ZNF780A: variants seen among roughly 807,000 people sequenced by gnomAD.
ZNF780A encodes the protein zinc finger protein 780A.
Under a neutral mutation model 56.7 loss-of-function variants are expected in ZNF780A, and 40 were observed. The ratio of observed to expected loss-of-function variants is 0.71; its 90% confidence interval spans 0.55 to 0.92. The LOEUF (loss-of-function observed/expected upper bound fraction) is 0.92, where lower values mean the gene tolerates loss of function less well. ZNF780A is among the 40% of genes least tolerant of loss of function. The pLI is 0.00. For missense variants in ZNF780A, 672 were observed against 783.3 expected, an observed-to-expected ratio of 0.86 and a Z score of 1.70; for synonymous variants, 231 against 248.3, an observed-to-expected ratio of 0.93 and a Z score of 0.66.
chr19:40,085,666 G>A (rs1389496188), intron 2 of ZNF780A, among the ~76,000 whole-genome samples: 1 of 152,066 alleles, frequency 6.6e-6, no homozygotes, highest in African/African-American at 2.4e-5. Context: ...CAGATCACGA[G>A]GTCAGGAGAT....
intron 5 of ZNF780A, among the ~76,000 whole-genome samples, chr19:40,076,707 A>G (rs1037031008): frequency 6.6e-6 from 1 of 152,180 alleles, no homozygotes; most frequent in African/African-American, 2.4e-5. Context: ...GCCTAAGGTC[A>G]GGTCCAGCAG....
chr19:40,073,074 T>G lies in ZNF780A; in HGVS notation c.*1442A>C. The stretch of plus-strand genomic sequence containing the variant: ...TGATATTGTCTATATTGTCTTCATG[T>G]TTGGTTGATACACACGTTGATTAAA... On this transcript the variant is annotated 3_prime_UTR_variant, in exon 6 of 6. Coordinates refer to ENST00000683561, the MANE Select transcript of ZNF780A (RefSeq NM_001142578.2). 2 of 1,402,394 alleles carry G rather than the reference T, an allele frequency of 1.4e-6. No individual in the cohort carries two copies. Among genetic ancestry groups the G allele is most frequent in the Non-Finnish European group, 1.8e-6 (2 of 1,081,606 alleles). The allele number at this position is 1,402,394 out of a possible 1,614,324, so 86.9% of individuals were successfully genotyped here. A position where few individuals can be genotyped will look rare whatever the true frequency, so the allele number is the denominator to read the frequency against.
chr19:40,089,625 C>T (rs1403530343), intron 2 of ZNF780A, among the ~76,000 whole-genome samples: 1 of 151,760 alleles, frequency 6.6e-6, no homozygotes, highest in Non-Finnish European at 1.5e-5. Flanking sequence ...AGTACACACA[C>T]ACACACACAC....
intron 2 of ZNF780A, among the ~76,000 whole-genome samples, chr19:40,087,522 A>C (rs1420166745): frequency 1.3e-5 from 2 of 152,194 alleles, no homozygotes; most frequent in Non-Finnish European, 2.9e-5. Flanking sequence ...CCTAAAACCC[A>C]CATTTATAAA....
intron 2 of ZNF780A, among the ~76,000 whole-genome samples, 183 bp downstream of exon 2, chr19:40,089,983 G>C (rs1421653713): frequency 1.3e-5 from 2 of 152,124 alleles, no homozygotes; most frequent in African/African-American, 2.4e-5. Context: ...CTTCGAAAAA[G>C]AGAGCGCACA....
Position 40,075,607 on chromosome 19 carries a change from A to T in ZNF780A, c.835T>A (p.Cys279Ser). The change falls in exon 6 of 6, where the codon TGT becomes AGT. Residue 279 changes from cysteine (C) to serine (S), a missense_variant. Transcript: ENST00000683561. ...TTAAAGCCTTTCCCACACTCCTTAC[A>T]TTCATATGGTTTTACACCAGAATGA... Reference protein sequence around the residue: ...SIHSGVKPYECKECGKGFNRG... With the variant: ...SIHSGVKPYESKECGKGFNRG... 1 of 1,613,788 alleles carries T rather than the reference A, an allele frequency of 6.2e-7. No homozygotes were observed. Among genetic ancestry groups the T allele is most frequent in the East Asian group, 2.2e-5 (1 of 44,822 alleles).
chr19:40,078,706 G>A (rs1568450183), intron 5 of ZNF780A, among the ~76,000 whole-genome samples: 3 of 152,098 alleles, frequency 2.0e-5, no homozygotes, highest in East Asian at 1.9e-4. Flanking sequence ...CATAAATGAA[G>A]AAGAAATAAT....
intron 2 of ZNF780A, chr19:40,085,258 G>T: frequency 1.0e-6 from 1 of 985,446 alleles, no homozygotes; most frequent in African/African-American, 1.7e-5. Context: ...CATGAGAACT[G>T]GAAAGCATAT....
intron 3 of ZNF780A, among the ~76,000 whole-genome samples, chr19:40,083,667 G>GAA (rs571135549): frequency 1.6e-3 from 71 of 44,508 alleles, no homozygotes; most frequent in East Asian, 2.9e-3. Context: ...CTGTCTCAGA[G>GAA]AAAAAAAAAA....
At chr19:40,089,921 G>C (rs1975052095) in intron 2 of ZNF780A, among the ~76,000 whole-genome samples, 1 of 152,074 alleles carries the variant, frequency 6.6e-6, no homozygotes, top group Non-Finnish European at 1.5e-5. Context: ...CCCAAATATG[G>C]GTCTAAAATG....
chr19:40,076,063 A>G lies in ZNF780A; in HGVS notation c.379T>C (p.Phe127Leu). The change falls in exon 6 of 6, where the codon TTT (phenylalanine) becomes CTT (leucine). Residue 127 changes from phenylalanine to leucine, a missense_variant. Transcript: ENST00000683561. ...YFRNDSEYRQ[F>L]EGLQGYQEGN... The stretch of plus-strand genomic sequence containing the variant: ...TCTTGATATCCCTGTAGTCCCTCAA[A>G]TTGTCTATATTCTGAGTCATTTCTA... 1 of 1,613,890 alleles carries G rather than the reference A, an allele frequency of 6.2e-7. No homozygotes were observed. Among genetic ancestry groups the G allele is most frequent in the Non-Finnish European group, 8.5e-7 (1 of 1,179,962 alleles).
chr19:40,082,917 C>T (rs1037881140), intron 4 of ZNF780A, among the ~76,000 whole-genome samples, 194 bp downstream of exon 4: 2 of 152,104 alleles, frequency 1.3e-5, no homozygotes, highest in Non-Finnish European at 1.5e-5. Flanking sequence ...ACGAAGGAGG[C>T]CATTGTGGAG....
In ZNF780A at chr19:40,074,489, T is replaced by C. The variant is rs1599826896; in HGVS notation, c.*27A>G. On this transcript the variant is annotated 3_prime_UTR_variant, in exon 6 of 6. Coordinates refer to ENST00000683561, the MANE Select transcript of ZNF780A (RefSeq NM_001142578.2). Reference sequence around the variant, plus strand: ...ATGTTGAACATGGTTTGAGACACGATTAAAGGACTTTCCACATTCCTTACA... The same window carrying C: ...ATGTTGAACATGGTTTGAGACACGACTAAAGGACTTTCCACATTCCTTACA... The C allele has an allele frequency of 1.9e-6, 3 of 1,610,972 alleles. No homozygotes were observed. In the East Asian group the frequency reaches 6.7e-5, roughly 36 times the overall value.
intron 5 of ZNF780A, among the ~76,000 whole-genome samples, chr19:40,077,872 C>A (rs1974233666): frequency 2.1e-5 from 3 of 144,318 alleles, no homozygotes; most frequent in Non-Finnish European, 1.5e-5. Flanking sequence ...AGAATAAACA[C>A]AGGAAATAAC....
In ZNF780A at chr19:40,075,310, G is replaced by A. The variant is rs779851303; in HGVS notation, c.1132C>T (p.Arg378Cys). Residue 378 changes from arginine to cysteine, a missense_variant, in exon 6 of 6, where the codon CGC (arginine) becomes TGC (cysteine). Coordinates refer to ENST00000683561, the MANE Select transcript of ZNF780A (RefSeq NM_001142578.2). The stretch of plus-strand genomic sequence containing the variant: ...TCACCTGTGTGAATGTTCTTATGGC[G>A]ATTAAGCTGGTTGAGAAGACTAAAG... ...KAFSLLNQLN[R>C]HKNIHTGEKP... 5.6e-6 allele frequency: 9 copies of A among 1,613,702 alleles called. No individual in the cohort carries two copies. The highest frequency in any genetic ancestry group is 1.1e-5 in the South Asian group (1 of 91,066).
chr19:40,087,350 C>G (rs1024127198), intron 2 of ZNF780A, among the ~76,000 whole-genome samples: 2 of 152,094 alleles, frequency 1.3e-5, no homozygotes, highest in African/African-American at 2.4e-5. Flanking sequence ...TGACCTCTAT[C>G]CATTAGATCT....
chr19:40,086,275 TC>T (rs1438780982), intron 2 of ZNF780A, among the ~76,000 whole-genome samples: 8 of 152,044 alleles, frequency 5.3e-5, no homozygotes, highest in African/African-American at 1.7e-4. Context: ...TGTCTACAAG[TC>T]CCCAACCAAT....
chr19:40,087,645 G>GA (rs1974887407), intron 2 of ZNF780A, among the ~76,000 whole-genome samples: 1 of 148,624 alleles, frequency 6.7e-6, no homozygotes, highest in East Asian at 2.0e-4. Context: ...ACAGAAACAG[G>GA]AAAAAAACAA....
At chr19:40,088,961 C>T (rs1482987913) in intron 2 of ZNF780A, among the ~76,000 whole-genome samples, 1 of 152,036 alleles carries the variant, frequency 6.6e-6, no homozygotes, top group Non-Finnish European at 1.5e-5. Flanking sequence ...AAGTTGATAT[C>T]ATAGAAGTGG....
Sources: gnomAD v4.1 joint callset for allele counts (sites outside exome capture counted in the v4.1 genomes callset) on GRCh38, gnomAD v4.1.1 for gene constraint, MANE v1.5 for transcripts, NCBI Gene and HGNC (gene_info 2026-07-23, HGNC 2026-07-21) for gene names.